NRXN3: variants seen among roughly 807,000 people sequenced by gnomAD.
The protein encoded by NRXN3 is neurexin III.
In NRXN3, 32 loss-of-function variants were observed where a neutral mutation model predicts 137.6. The observed-to-expected ratio is 0.23, with a 90% CI of 0.18 to 0.31. The LOEUF is 0.31. Ranked by LOEUF, NRXN3 falls within the 10% of genes least tolerant of loss-of-function variation. The pLI is 1.00. For synonymous variants in NRXN3, 798 were observed against 784.5 expected, an observed-to-expected ratio of 1.02 and a Z score of -0.29; for missense variants, 1,574 against 2,062.5, an observed-to-expected ratio of 0.76 and a Z score of 4.59.
intron 15 of NRXN3, among the ~76,000 whole-genome samples, chr14:79,083,448 A>G (rs1236792384): frequency 6.6e-6 from 1 of 152,194 alleles, no homozygotes; most frequent in Non-Finnish European, 1.5e-5. Context: ...AAGGAAACTT[A>G]TATTGAGCGT....
intron 10 of NRXN3, among the ~76,000 whole-genome samples, chr14:78,861,290 T>C (rs1339979809): frequency 6.6e-6 from 1 of 152,146 alleles, no homozygotes; most frequent in African/African-American, 2.4e-5. Flanking sequence ...AAACAGGAGA[T>C]TCATTTTAGG....
chr14:79,464,375 C>G (rs902462777), intron 15 of NRXN3, among the ~76,000 whole-genome samples: 1 of 151,958 alleles, frequency 6.6e-6, no homozygotes, highest in Non-Finnish European at 1.5e-5. Flanking sequence ...TTTAGTCTAT[C>G]CTATCAAATA....
chr14:79,011,939 A>T (rs1378556054), intron 15 of NRXN3, among the ~76,000 whole-genome samples: 1 of 152,166 alleles, frequency 6.6e-6, no homozygotes, highest in Non-Finnish European at 1.5e-5. Context: ...AATTCAATAA[A>T]ACTGATCAGT....
intron 10 of NRXN3, among the ~76,000 whole-genome samples, chr14:78,928,004 C>A (rs1248959765): frequency 6.6e-5 from 10 of 152,142 alleles, no homozygotes; most frequent in African/African-American, 2.4e-4. Context: ...ATAAATACAA[C>A]AGCTTCCTTG....
At chr14:79,382,943 A>G (rs1265664532) in intron 15 of NRXN3, among the ~76,000 whole-genome samples, 1 of 143,352 alleles carries the variant, frequency 7.0e-6, no homozygotes, top group East Asian at 2.3e-4. Flanking sequence ...TTTCTAGTCT[A>G]CCACCTTATA....
chr14:78,829,938 T>C (rs1171487365), intron 10 of NRXN3, among the ~76,000 whole-genome samples: 2 of 152,124 alleles, frequency 1.3e-5, no homozygotes, highest in Admixed American at 1.3e-4. Context: ...TTGATAACAA[T>C]GTTTCACATG....
At chr14:79,258,931 G>C (rs902755437) in intron 15 of NRXN3, among the ~76,000 whole-genome samples, 3 of 152,190 alleles carry the variant, frequency 2.0e-5, no homozygotes, top group African/African-American at 7.2e-5. Flanking sequence ...TTGAGTAATA[G>C]AACAAAGTAG....
At chr14:78,289,584 T>G (rs2075570778) in intron 3 of NRXN3, among the ~76,000 whole-genome samples, 1 of 151,262 alleles carries the variant, frequency 6.6e-6, no homozygotes, top group African/African-American at 2.5e-5. Context: ...CAAATGTGCT[T>G]GTTTTTTTTT....
At chr14:78,929,594 C>T (rs561554397) in intron 10 of NRXN3, among the ~76,000 whole-genome samples, 7 of 152,224 alleles carry the variant, frequency 4.6e-5, no homozygotes, top group African/African-American at 7.2e-5. Flanking sequence ...TCAAGTCTAT[C>T]GTTAATGGGC....
At chr14:79,092,374 C>A (rs373492343) in intron 15 of NRXN3, among the ~76,000 whole-genome samples, 2 of 152,154 alleles carry the variant, frequency 1.3e-5, no homozygotes, top group African/African-American at 4.8e-5. Context: ...ACATAGAAGT[C>A]CTTTCTGACT....
chr14:78,576,839 C>T (rs181652133), intron 4 of NRXN3, among the ~76,000 whole-genome samples: 2 of 152,278 alleles, frequency 1.3e-5, no homozygotes, highest in Admixed American at 1.3e-4. Flanking sequence ...ACCCTTGTTT[C>T]AAGGCTTATG....
intron 4 of NRXN3, among the ~76,000 whole-genome samples, chr14:78,532,737 C>G (rs2096485618): frequency 6.6e-6 from 1 of 151,978 alleles, no homozygotes; most frequent in Non-Finnish European, 1.5e-5. Context: ...TCGCTTTCTT[C>G]TTCTTTTTTT....
chr14:78,708,895 A>T (rs17108089), intron 6 of NRXN3, among the ~76,000 whole-genome samples: 18,729 of 152,270 alleles, frequency 0.12, 1,273 homozygotes, highest in Middle Eastern at 0.17. Flanking sequence ...ATCACTTTGT[A>T]TGAAGTATGT....
chr14:78,978,053 G>T (rs984655791), intron 14 of NRXN3, among the ~76,000 whole-genome samples: 1 of 152,142 alleles, frequency 6.6e-6, no homozygotes, highest in Non-Finnish European at 1.5e-5. Flanking sequence ...TTATGAGAGG[G>T]TTGAAGTGGT....
intron 15 of NRXN3, among the ~76,000 whole-genome samples, chr14:79,221,153 T>C (rs933576040): frequency 6.6e-6 from 1 of 152,188 alleles, no homozygotes. Flanking sequence ...TAGTCTATCA[T>C]TGATGGGCAT....
intron 4 of NRXN3, among the ~76,000 whole-genome samples, chr14:78,456,091 G>A (rs1229600458): frequency 6.6e-6 from 1 of 152,218 alleles, no homozygotes; most frequent in African/African-American, 2.4e-5. Flanking sequence ...GCCTGTCAAT[G>A]GCACTGTGTT....
At position 79,024,752 on chromosome 14, in the gene NRXN3, A is replaced by T. The variant is rs181968730; in HGVS notation, c.3262+36611A>T. Among the ~76,000 whole-genome samples the T allele has an allele frequency of 2.3e-4, 35 of 152,312 alleles. No homozygotes were observed. The East Asian group carries it at 6.7e-3, about 29-fold the overall frequency. Reference sequence around the variant, plus strand: ...TCCTTAAAATGTTTGGGGCCCTAACATCAGTGTTCAAAATCCCAAAATATT... The same window carrying T: ...TCCTTAAAATGTTTGGGGCCCTAACTTCAGTGTTCAAAATCCCAAAATATT... On this transcript the variant is annotated intron_variant, in intron 15 of 20. Coordinates refer to ENST00000335750, the MANE Select transcript of NRXN3 (RefSeq NM_001330195.2).
chr14:79,157,028 G>A (rs187536918), intron 15 of NRXN3, among the ~76,000 whole-genome samples: 1 of 151,802 alleles, frequency 6.6e-6, no homozygotes, highest in Admixed American at 6.6e-5. Context: ...CACAGCTAGA[G>A]ATTACCTCAA....
rs76266559 is a variant in NRXN3, at chr14:78,526,568, G to T, written c.758-118552G>T. 3.1e-3 allele frequency among the ~76,000 whole-genome samples: 470 copies of T among 152,292 alleles called. 2 individuals carry two copies. Among genetic ancestry groups the T allele is most frequent in the African/African-American group, 0.01 (433 of 41,562 alleles). ...TCATGTACTTTCTTTCATTCAAATG[G>T]TGACCTTAGGTTCTTCTGTGAGTCT... On this transcript the variant is annotated intron_variant, in intron 4 of 20. Transcript: ENST00000335750.
Sources: gnomAD v4.1 joint callset for allele counts (sites outside exome capture counted in the v4.1 genomes callset) on GRCh38, gnomAD v4.1.1 for gene constraint, MANE v1.5 for transcripts, NCBI Gene and HGNC (gene_info 2026-07-23, HGNC 2026-07-21) for gene names.